Variants in VAC14 observed in about 807,000 individuals in gnomAD.
VAC14 encodes the protein VAC14 component of PIKFYVE complex, also known as protein VAC14 homolog.
Under a neutral mutation model 85.3 loss-of-function variants are expected in VAC14, and 47 were observed. The observed-to-expected ratio is 0.55, with a 90% confidence interval of 0.44 to 0.70. VAC14 has a LOEUF of 0.70. Ranked by LOEUF, VAC14 falls within the 30% of genes least tolerant of loss-of-function variation. VAC14 has a pLI of 0.00. For missense variants in VAC14, 861 were observed against 1,004.3 expected, an observed-to-expected ratio of 0.86 and a Z score of 1.93; for synonymous variants, 447 against 430.5, an observed-to-expected ratio of 1.04 and a Z score of -0.47.
At chr16:70,759,374 C>T (rs940424265) in intron 12 of VAC14, among the ~76,000 whole-genome samples, 27 of 152,190 alleles carry the variant, frequency 1.8e-4, no homozygotes, top group Admixed American at 1.8e-3. Context: ...TGCCTGTAAT[C>T]CCAGCACTTC....
intron 17 of VAC14, 49 bp downstream of exon 17, chr16:70,695,495 G>T (rs759989666): frequency 1.5e-5 from 24 of 1,588,258 alleles, no homozygotes; most frequent in Non-Finnish European, 1.9e-5. Flanking sequence ...CCCCACTCCA[G>T]GGCAGCCTTG....
At chr16:70,771,970 T>G in intron 10 of VAC14, 139 bp downstream of exon 10, 1 of 723,902 alleles carries the variant, frequency 1.4e-6, no homozygotes, top group South Asian at 1.8e-5. Flanking sequence ...ATCAATTAAC[T>G]CTTTTGTGTA....
chr16:70,753,041 T>C (rs2031525803), intron 12 of VAC14, among the ~76,000 whole-genome samples: 1 of 151,792 alleles, frequency 6.6e-6, no homozygotes, highest in Non-Finnish European at 1.5e-5. Flanking sequence ...TGTGTGTGTG[T>C]GTGTGTCAGA....
rs544955416 is a variant in VAC14, at chr16:70,776,223, C to T, written c.1097-4051G>A. On this transcript the variant is annotated intron_variant, in intron 9 of 18. Transcript: ENST00000261776. ...TCAGGAGATCCTCCTGCCTCAGTCT[C>T]CCAAGTAGCTGTGACTAAAGGTGTG... 1.4e-4 allele frequency among the ~76,000 whole-genome samples: 21 copies of T among 152,288 alleles called. No individual in the cohort carries two copies. In the South Asian group the frequency reaches 4.2e-3, roughly 30 times the overall value.
intron 6 of VAC14, 65 bp downstream of exon 6, chr16:70,783,380 T>G (rs1324721913): frequency 3.3e-6 from 5 of 1,529,970 alleles, no homozygotes; most frequent in Non-Finnish European, 4.5e-6. Context: ...TCTGTGGGCA[T>G]GAAGCACATG....
Position 70,800,874 on chromosome 16 carries a change from C to T in VAC14, c.27G>A (p.Pro9=). Residue 9 remains proline (P), a synonymous_variant, in exon 1 of 19, where the codon CCG becomes CCA. Coordinates refer to ENST00000261776, the MANE Select transcript of VAC14 (RefSeq NM_018052.5). ...GGGCGCGCACGATGTTAGGCGTGAG[C>T]GGCGCGAAATCCTTCTCGGGGTTCA... The part of the protein sequence containing the change: MNPEKDFA[P]LTPNIVRALN... The T allele has an allele frequency of 6.2e-7, 1 of 1,602,644 alleles. No homozygotes were observed.
At chr16:70,724,089 CT>C (rs1025771673) in intron 14 of VAC14, among the ~76,000 whole-genome samples, 6 of 152,338 alleles carry the variant, frequency 3.9e-5, no homozygotes, top group African/African-American at 1.4e-4. Flanking sequence ...GATGCCACCC[CT>C]TTGAGGCTCT....
chr16:70,785,958 T>G, intron 2 of VAC14, 89 bp from the exon 3 acceptor site: 1 of 1,448,772 alleles, frequency 6.9e-7, no homozygotes, highest in Admixed American at 2.3e-5. Flanking sequence ...CCCAGCTCCC[T>G]TGAAGGTGCT....
At chr16:70,702,583 G>A (rs758654944) in intron 14 of VAC14, among the ~76,000 whole-genome samples, 4 of 152,158 alleles carry the variant, frequency 2.6e-5, no homozygotes, top group African/African-American at 7.2e-5. Flanking sequence ...GGTGGGGGCC[G>A]CATCCTGCCT....
chr16:70,787,998 G>A (rs2034148407), intron 1 of VAC14, among the ~76,000 whole-genome samples: 2 of 152,248 alleles, frequency 1.3e-5, no homozygotes, highest in African/African-American at 2.4e-5. Context: ...AGAGACCTCA[G>A]ACTTTAAAAA....
intron 14 of VAC14, among the ~76,000 whole-genome samples, chr16:70,729,251 C>T (rs953276923): frequency 6.6e-6 from 1 of 152,226 alleles, no homozygotes; most frequent in Admixed American, 6.5e-5. Flanking sequence ...ATGCCAACGG[C>T]GCTGAGTTCG....
intron 14 of VAC14, among the ~76,000 whole-genome samples, chr16:70,725,124 A>G (rs777802377): frequency 1.3e-5 from 2 of 152,268 alleles, no homozygotes; most frequent in Non-Finnish European, 2.9e-5. Context: ...CTAATTCGCC[A>G]TCCATTAGCA....
Position 70,744,568 on chromosome 16 carries a change from C to A in VAC14, c.1383G>T (p.Lys461Asn). 1 of 1,601,328 alleles carries A rather than the reference C, an allele frequency of 6.2e-7. No individual in the cohort carries two copies. Among genetic ancestry groups the A allele is most frequent in the African/African-American group, 1.3e-5 (1 of 74,750 alleles). Residue 461 changes from lysine (K) to asparagine (N), a missense_variant, in exon 13 of 19, where the codon AAG becomes AAT. By Grantham distance (94) the Lys-to-Asn change is moderately conservative. Around this residue, in one of 3 missense-constraint regions of VAC14, gnomAD observed 629 missense variants for 703.1 expected, o/e 0.89. Transcript: ENST00000261776. ...LSDESDEVIL[K>N]DLEVLAEIAS... ...CGATTTCTGCCAGCACCTCCAGGTC[C>A]TTCAGGATCACCTGGGGAGAGAAGC...
chr16:70,783,942 G>A (rs2033931585), intron 5 of VAC14, among the ~76,000 whole-genome samples, 171 bp downstream of exon 5: 1 of 152,234 alleles, frequency 6.6e-6, no homozygotes. Context: ...GGGCCAACAT[G>A]GTGGGTTTCG....
At chr16:70,731,332 C>T (rs2143002102) in intron 14 of VAC14, 163 bp downstream of exon 14, 1 of 1,464,080 alleles carries the variant, frequency 6.8e-7, no homozygotes, top group East Asian at 2.3e-5. Context: ...CATCAGCAAC[C>T]AGTATGAAGG....
intron 14 of VAC14, among the ~76,000 whole-genome samples, chr16:70,709,310 A>G (rs1302727086): frequency 1.3e-5 from 2 of 151,516 alleles, no homozygotes; most frequent in African/African-American, 4.9e-5. Context: ...CAGGGCCTAC[A>G]CAGCACAGAG....
In VAC14 at chr16:70,745,628, G is replaced by A. The variant is rs375750730; in HGVS notation, c.1372-1049C>T. ...TATCCTGCAGGGAACTCCTCACACTGCAGGTGGTCGCCTGCTCTTTCTGCC... is the reference window on the plus strand; with the variant it reads ...TATCCTGCAGGGAACTCCTCACACTACAGGTGGTCGCCTGCTCTTTCTGCC... On this transcript the variant is annotated intron_variant, in intron 12 of 18. Transcript: ENST00000261776. Among the ~76,000 whole-genome samples the A allele has an allele frequency of 4.4e-3, 664 of 152,334 alleles. 7 individuals are homozygous for A. Among genetic ancestry groups the A allele is most frequent in the African/African-American group, 0.015 (635 of 41,580 alleles).
chr16:70,711,352 G>A (rs1036314172), intron 14 of VAC14, among the ~76,000 whole-genome samples: 13 of 152,216 alleles, frequency 8.5e-5, no homozygotes, highest in African/African-American at 3.1e-4. Flanking sequence ...ATGGGTGGCA[G>A]CAGGGCCTGG....
At chr16:70,690,448 TCTCA>T (rs2053576443) in intron 18 of VAC14, 2 of 985,460 alleles carry the variant, frequency 2.0e-6, no homozygotes, top group African/African-American at 3.5e-5. Context: ...CAGGGCCGGC[TCTCA>T]CTCTTGCCAT....
Sources: gnomAD v4.1 joint callset for allele counts (sites outside exome capture counted in the v4.1 genomes callset) on GRCh38, gnomAD v4.1.1 for gene constraint, gnomAD v4.1.1 regional missense constraint, MANE v1.5 for transcripts, NCBI Gene and HGNC (gene_info 2026-07-23, HGNC 2026-07-21) for gene names.